Variants in ARB2A observed in about 807,000 individuals in gnomAD.
ARB2A encodes ARB2 cotranscriptional regulator A.
the ARB2A span, among the ~76,000 whole-genome samples, chr5:93,826,417 T>C: frequency 6.6e-6 from 1 of 152,174 alleles, no homozygotes; most frequent in Non-Finnish European, 1.5e-5. Context: ...CTATCTGTCC[T>C]AAATTTCTCT....
the ARB2A span, among the ~76,000 whole-genome samples, chr5:94,028,722 T>TAAAA: frequency 6.6e-6 from 1 of 152,304 alleles, no homozygotes; most frequent in Admixed American, 6.5e-5. Context: ...GTTAACATTT[T>TAAAA]TGCCAAAAAT....
the ARB2A span, among the ~76,000 whole-genome samples, chr5:93,834,473 T>TA: frequency 2.0e-5 from 3 of 152,214 alleles, no homozygotes; most frequent in African/African-American, 7.2e-5. Flanking sequence ...GCCTTAGTTA[T>TA]AAAAAACTCA....
At chr5:93,802,313 A>G in the ARB2A span, among the ~76,000 whole-genome samples, 47 of 152,166 alleles carry the variant, frequency 3.1e-4, no homozygotes, top group African/African-American at 1.1e-3. Context: ...TTTGTCATAG[A>G]TGACACATAA....
At chr5:94,036,040 T>C in the ARB2A span, among the ~76,000 whole-genome samples, 4 of 150,780 alleles carry the variant, frequency 2.7e-5, no homozygotes, top group African/African-American at 9.7e-5. Context: ...TAAAACCACT[T>C]AGTTAATTTT....
the ARB2A span, among the ~76,000 whole-genome samples, chr5:93,885,570 A>G: frequency 8.5e-4 from 129 of 151,742 alleles, 1 homozygote; most frequent in African/African-American, 2.9e-3. Context: ...CAACATTTCA[A>G]AAGACAAAGC....
the ARB2A span, among the ~76,000 whole-genome samples, chr5:94,104,112 A>G: frequency 1.3e-5 from 2 of 151,772 alleles, no homozygotes; most frequent in Admixed American, 1.3e-4. Flanking sequence ...AAAAAAAAAA[A>G]AGTAAACTAA....
At chr5:93,841,766 T>C in the ARB2A span, among the ~76,000 whole-genome samples, 1 of 152,188 alleles carries the variant, frequency 6.6e-6, no homozygotes, top group Non-Finnish European at 1.5e-5. Flanking sequence ...ATAACGAGTA[T>C]TGCTATTCTT....
chr5:93,693,681 G>C, the ARB2A span, among the ~76,000 whole-genome samples: 2 of 152,154 alleles, frequency 1.3e-5, no homozygotes, highest in East Asian at 3.8e-4. Flanking sequence ...AGTAGAAAAA[G>C]AGGGAATCCT....
chr5:93,639,114 C>G, the ARB2A span, among the ~76,000 whole-genome samples: 1 of 152,114 alleles, frequency 6.6e-6, no homozygotes, highest in African/African-American at 2.4e-5. Context: ...TTATGAACAA[C>G]GTAAAACTGG....
chr5:94,060,762 A>G, the ARB2A span, among the ~76,000 whole-genome samples: 1 of 152,220 alleles, frequency 6.6e-6, no homozygotes, highest in Non-Finnish European at 1.5e-5. Context: ...AAAATCTTCA[A>G]CAAAATATTA....
At chr5:94,027,229 G>A in the ARB2A span, among the ~76,000 whole-genome samples, 1 of 152,152 alleles carries the variant, frequency 6.6e-6, no homozygotes, top group Non-Finnish European at 1.5e-5. Context: ...TATATATTTG[G>A]TCTTCAACCA....
chr5:93,662,680 C>T, the ARB2A span, among the ~76,000 whole-genome samples: 1 of 152,140 alleles, frequency 6.6e-6, no homozygotes, highest in Non-Finnish European at 1.5e-5. Context: ...ACAGGACAAC[C>T]CCCATTACAA....
chr5:93,929,217 A>C, the ARB2A span, among the ~76,000 whole-genome samples: 1 of 152,184 alleles, frequency 6.6e-6, no homozygotes, highest in Non-Finnish European at 1.5e-5. Context: ...ATTACCTTTA[A>C]ATAAATGATT....
the ARB2A span, among the ~76,000 whole-genome samples, chr5:93,952,143 A>G: frequency 1.3e-5 from 2 of 152,232 alleles, no homozygotes; most frequent in South Asian, 4.1e-4. Flanking sequence ...GTTAAAATGT[A>G]CATAGTATCC....
At chr5:93,694,600 ATGGTGATAC>A in the ARB2A span, among the ~76,000 whole-genome samples, 1 of 152,232 alleles carries the variant, frequency 6.6e-6, no homozygotes, top group East Asian at 1.9e-4. Flanking sequence ...TATGGTGAAA[ATGGTGATAC>A]TGCCCAAAGT....
At chr5:94,057,340 CTTA>C in the ARB2A span, among the ~76,000 whole-genome samples, 1 of 152,184 alleles carries the variant, frequency 6.6e-6, no homozygotes, top group South Asian at 2.1e-4. Context: ...AGTCATCAAA[CTTA>C]TAGAGACAGA....
At chr5:93,897,220 T>G in the ARB2A span, among the ~76,000 whole-genome samples, 1 of 152,150 alleles carries the variant, frequency 6.6e-6, no homozygotes, top group African/African-American at 2.4e-5. Flanking sequence ...CCTGCCATGC[T>G]TTTTGTGACC....
the ARB2A span, among the ~76,000 whole-genome samples, chr5:93,785,810 T>C: frequency 2.6e-5 from 4 of 152,204 alleles, no homozygotes; most frequent in Admixed American, 2.6e-4. Flanking sequence ...ATACCAATAA[T>C]ACTTTTAAAA....
At chr5:93,637,494 A>C in the ARB2A span, among the ~76,000 whole-genome samples, 2 of 151,774 alleles carry the variant, frequency 1.3e-5, no homozygotes, top group Non-Finnish European at 2.9e-5. Flanking sequence ...GCAATAATGC[A>C]ATTGCTAGGT....
Sources: gnomAD v4.1 joint callset for allele counts (sites outside exome capture counted in the v4.1 genomes callset) on GRCh38, gnomAD v4.1.1 for gene constraint, MANE v1.5 for transcripts, NCBI Gene and HGNC (gene_info 2026-07-23, HGNC 2026-07-21) for gene names.